ANO6: variants seen among roughly 807,000 people sequenced by gnomAD.
ANO6 encodes the protein anoctamin-6.
ANO6 carries 106 observed loss-of-function variants against 117.5 expected under a neutral mutation model. That is an observed-to-expected ratio of 0.90 (90% CI 0.77 to 1.06). ANO6 has a LOEUF of 1.06. Ranked by LOEUF, ANO6 falls within the 50% of genes least tolerant of loss-of-function variation. The pLI is 0.00. For synonymous variants in ANO6, 367 were observed against 385.1 expected (o/e 0.95, Z 0.55); for missense variants, 955 against 1,121.1 (o/e 0.85, Z 2.12).
intron 7 of ANO6, among the ~76,000 whole-genome samples, chr12:45,355,016 A>G (rs762241461): frequency 6.6e-6 from 1 of 152,204 alleles, no homozygotes; most frequent in Non-Finnish European, 1.5e-5. Flanking sequence ...ATTTAGAGAT[A>G]GGGAAGTAAA....
chr12:45,403,577 G>T, intron 15 of ANO6, 41 bp downstream of exon 15: 2 of 1,521,946 alleles, frequency 1.3e-6, no homozygotes, highest in African/African-American at 2.7e-5. Flanking sequence ...AAGGACAAGG[G>T]ATAGAACAGC....
At chr12:45,364,593 T>A (rs1941637596) in intron 8 of ANO6, among the ~76,000 whole-genome samples, 1 of 152,202 alleles carries the variant, frequency 6.6e-6, no homozygotes, top group Non-Finnish European at 1.5e-5. Context: ...GCCCTTCTAA[T>A]GATTTTTTTA....
chr12:45,324,359 A>G (rs1464299206), intron 2 of ANO6, among the ~76,000 whole-genome samples: 1 of 152,236 alleles, frequency 6.6e-6, no homozygotes, highest in Non-Finnish European at 1.5e-5. Flanking sequence ...AAAGGAAGAA[A>G]AGTAATATCT....
intron 7 of ANO6, among the ~76,000 whole-genome samples, chr12:45,354,205 G>A (rs928736724): frequency 2.1e-5 from 3 of 143,996 alleles, no homozygotes; most frequent in South Asian, 4.2e-4. Context: ...AGAACGCTGG[G>A]GACAAAGCAA....
At position 45,302,005 on chromosome 12, in the gene ANO6, C is replaced by A; in HGVS notation, c.71-9C>A. 6.2e-7 allele frequency: 1 copy of A among 1,613,112 alleles called. No homozygotes were observed. The highest frequency in any genetic ancestry group is 8.5e-7 in the Non-Finnish European group (1 of 1,179,188). ...TGCTTCATTTGTTTATATATTCATT[C>A]GTTTTTAGTGTTGGAAAACCTTGGA... On this transcript the variant is annotated splice_polypyrimidine_tract_variant and intron_variant, in intron 1 of 19. Coordinates refer to ENST00000320560, the MANE Select transcript of ANO6 (RefSeq NM_001025356.3).
At chr12:45,292,133 G>A (rs980925291) in intron 1 of ANO6, among the ~76,000 whole-genome samples, 1 of 152,186 alleles carries the variant, frequency 6.6e-6, no homozygotes, top group Non-Finnish European at 1.5e-5. Flanking sequence ...TTCTGTCATA[G>A]AAAGGAACAA....
At chr12:45,282,123 A>G (rs1483052987) in intron 1 of ANO6, among the ~76,000 whole-genome samples, 1 of 152,202 alleles carries the variant, frequency 6.6e-6, no homozygotes, top group Admixed American at 6.5e-5. Flanking sequence ...GTTACCATTT[A>G]TGCAGACAAG....
In ANO6 at chr12:45,439,810, T is replaced by TTAA. The variant is rs774393824; in HGVS notation, c.2663_2664insAAT (p.Phe888delinsLeuIle). 467 of 1,549,672 alleles carry TTAA rather than the reference T, an allele frequency of 3.0e-4. 4 individuals are homozygous for TTAA. Among genetic ancestry groups the TTAA allele is most frequent in the Admixed American group, 1.2e-3 (59 of 50,996 alleles). ...ACTTTTGGAACAACTAACTTCTGAC[T>TTAA]TTATTGACTCCCTCTATTATATATT... On this transcript the variant is annotated protein_altering_variant, in exon 20 of 20. Coordinates refer to the ANO6 transcript ENST00000425752.
chr12:45,289,755 G>A (rs56842412), intron 1 of ANO6, among the ~76,000 whole-genome samples: 1,632 of 152,254 alleles, frequency 0.011, 30 homozygotes, highest in African/African-American at 0.037. Flanking sequence ...GAGACCCTAT[G>A]GGGTCTTTCC....
At chr12:45,407,438 A>T (rs1168519482) in intron 15 of ANO6, among the ~76,000 whole-genome samples, 1 of 134,960 alleles carries the variant, frequency 7.4e-6, no homozygotes, top group African/African-American at 2.8e-5. Flanking sequence ...GTTCGGTGTC[A>T]TGAAGGGTGA....
At chr12:45,247,515 G>T (rs1428944544) in intron 1 of ANO6, among the ~76,000 whole-genome samples, 1 of 152,200 alleles carries the variant, frequency 6.6e-6, no homozygotes, top group Non-Finnish European at 1.5e-5. Context: ...AATCACTGAG[G>T]TGGTTCCTGG....
chr12:45,403,263 A>G (rs781300067), intron 14 of ANO6, 22 bp downstream of exon 14: 1 of 1,611,044 alleles, frequency 6.2e-7, no homozygotes, highest in South Asian at 1.1e-5. Context: ...TAATTGTATT[A>G]TCTTGCCAGT....
At chr12:45,359,652 C>T (rs1172196783) in intron 8 of ANO6, among the ~76,000 whole-genome samples, 1 of 152,172 alleles carries the variant, frequency 6.6e-6, no homozygotes, top group African/African-American at 2.4e-5. Flanking sequence ...CCAAATAATA[C>T]TCCATGTGTG....
At chr12:45,298,800 G>C (rs1056083197) in intron 1 of ANO6, among the ~76,000 whole-genome samples, 1 of 152,058 alleles carries the variant, frequency 6.6e-6, no homozygotes, top group Non-Finnish European at 1.5e-5. Flanking sequence ...GGGTAATCTT[G>C]TTTGTCCTGT....
rs560375526 is a variant in ANO6, at chr12:45,352,522, T to C, written c.863+1748T>C. Among the ~76,000 whole-genome samples, 9 of 139,854 alleles carry C rather than the reference T, an allele frequency of 6.4e-5. No individual in the cohort carries two copies. The South Asian group carries it at 1.8e-3, about 28-fold the overall frequency. 91.7% of individuals were successfully genotyped at this position (139,854 alleles called of 152,430 possible). A position where few individuals can be genotyped will look rare whatever the true frequency, so the allele number is the denominator to read the frequency against. The stretch of plus-strand genomic sequence containing the variant: ...CAGGATGATCGCTTGAGGCCAGGAG[T>C]TCAAGGCCAGACTGAGCAGCATAGT... On this transcript the variant is annotated intron_variant, in intron 7 of 19. Transcript: ENST00000320560.
At chr12:45,293,729 G>GTTTTTTTTTTTTTTTTTTTTTTT (rs138396024) in intron 1 of ANO6, among the ~76,000 whole-genome samples, 2 of 48,418 alleles carry the variant, frequency 4.1e-5, no homozygotes, top group Non-Finnish European at 7.2e-5. Flanking sequence ...CCTGGCTAAT[G>GTTTTTTTTTTTTTTTTTTTTTTT]TTTTTTTTTT....
intron 1 of ANO6, among the ~76,000 whole-genome samples, chr12:45,253,988 G>T (rs1937717464): frequency 6.6e-6 from 1 of 152,158 alleles, no homozygotes; most frequent in Admixed American, 6.5e-5. Flanking sequence ...CCAACATGGT[G>T]AAACCCCGTC....
intron 1 of ANO6, among the ~76,000 whole-genome samples, chr12:45,263,387 T>TC (rs1555162422): frequency 6.7e-6 from 1 of 149,238 alleles, no homozygotes; most frequent in Non-Finnish European, 1.5e-5. Context: ...TTTTTTTTTT[T>TC]TTCCTGGAGA....
At chr12:45,247,169 G>T (rs975485880) in intron 1 of ANO6, among the ~76,000 whole-genome samples, 3 of 151,956 alleles carry the variant, frequency 2.0e-5, no homozygotes, top group Admixed American at 2.0e-4. Context: ...CAAGTGATCT[G>T]CCCACCTCAG....
Sources: gnomAD v4.1 joint callset for allele counts (sites outside exome capture counted in the v4.1 genomes callset) on GRCh38, gnomAD v4.1.1 for gene constraint, MANE v1.5 for transcripts, NCBI Gene and HGNC (gene_info 2026-07-23, HGNC 2026-07-21) for gene names.